The following LRRC28 variants were observed in gnomAD, a reference collection of about 807,000 sequenced individuals.
The protein encoded by LRRC28 is leucine rich repeat containing 28.
In LRRC28, 39 loss-of-function variants were observed where a neutral mutation model predicts 45.7. That is an observed-to-expected ratio of 0.85 (90% CI 0.66 to 1.12). The LOEUF (loss-of-function observed/expected upper bound fraction) is 1.12. Ranked by LOEUF, LRRC28 falls within the 50% of genes most tolerant of loss-of-function variation. The pLI is 0.00. For synonymous variants in LRRC28, 206 were observed against 178.8 expected (o/e 1.15, Z -1.22); for missense variants, 435 against 438.5 (o/e 0.99, Z 0.07).
chr15:99,343,856 G>A (rs547906673), intron 6 of LRRC28, among the ~76,000 whole-genome samples: 1 of 152,184 alleles, frequency 6.6e-6, no homozygotes, highest in East Asian at 1.9e-4. Context: ...TGAAGTACAC[G>A]TTCGTATTTC....
intron 5 of LRRC28, among the ~76,000 whole-genome samples, chr15:99,302,619 T>G (rs1444802357): frequency 1.3e-5 from 2 of 152,228 alleles, no homozygotes; most frequent in African/African-American, 4.8e-5. Context: ...CATGTACAGT[T>G]AATTAACTTT....
At chr15:99,333,475 AACAAGTTGC>A (rs1273306187) in intron 5 of LRRC28, 2 of 169,416 alleles carry the variant, frequency 1.2e-5, no homozygotes, top group Non-Finnish European at 2.6e-5. Context: ...AGCTCATATG[AACAAGTTGC>A]ACTTACTTCA....
rs1425869891 is a variant in LRRC28 at position 99,387,281 on chromosome 15, CGATCTCCT to C, written c.*1182_*1189del. On this transcript the variant is annotated 3_prime_UTR_variant, in exon 10 of 10. Coordinates refer to ENST00000301981, the MANE Select transcript of LRRC28 (RefSeq NM_144598.5). ...TTCACCGTGTTAGCCGGGATGGTCTCGATCTCCTGACCTCGTGATCCGCACGCCTCGGC... is the reference window on the plus strand; with the variant it reads ...TTCACCGTGTTAGCCGGGATGGTCTCGACCTCGTGATCCGCACGCCTCGGC... The C allele has an allele frequency of 5.9e-5, 9 of 151,772 alleles. No homozygotes were observed. Among genetic ancestry groups the C allele is most frequent in the Admixed American group, 3.3e-4 (5 of 15,240 alleles). 9.4% of individuals were successfully genotyped at this position (151,772 alleles called of 1,614,324 possible). A position where few individuals can be genotyped will look rare whatever the true frequency, so the allele number is the denominator to read the frequency against.
At chr15:99,265,507 C>T (rs1368907443) in intron 2 of LRRC28, among the ~76,000 whole-genome samples, 5 of 152,138 alleles carry the variant, frequency 3.3e-5, no homozygotes, top group Admixed American at 6.5e-5. Flanking sequence ...GATGATGACA[C>T]GGTCTTAGTG....
intron 9 of LRRC28, among the ~76,000 whole-genome samples, chr15:99,383,412 G>A (rs1957888954): frequency 6.6e-6 from 1 of 152,148 alleles, no homozygotes; most frequent in Non-Finnish European, 1.5e-5. Flanking sequence ...GTTGTATTTT[G>A]TCCAGAGTGT....
intron 8 of LRRC28, 60 bp downstream of exon 8, chr15:99,361,571 T>C: frequency 6.8e-7 from 1 of 1,478,802 alleles, no homozygotes; most frequent in Non-Finnish European, 9.0e-7. Context: ...TTGTGCTTGG[T>C]GCACCTGTTT....
intron 5 of LRRC28, among the ~76,000 whole-genome samples, chr15:99,330,936 T>G (rs911381872): frequency 1.3e-5 from 2 of 152,178 alleles, no homozygotes; most frequent in Non-Finnish European, 2.9e-5. Context: ...TTTCTGTTGA[T>G]GCTTTCAAGA....
chr15:99,332,658 G>T (rs767655758), intron 5 of LRRC28, among the ~76,000 whole-genome samples: 3 of 152,110 alleles, frequency 2.0e-5, no homozygotes, highest in South Asian at 4.1e-4. Context: ...GTTTCAGCTT[G>T]CAGGCAGGAC....
Position 99,352,383 on chromosome 15 carries a change from C to T in LRRC28, c.607C>T (p.Arg203Ter), listed in dbSNP as rs778658681. Reference sequence around the variant, plus strand: ...TTCTAATCCAGATTTAGGTCGATCTCGAGAACTACAGTATGTATACGTGGA... The same window carrying T: ...TTCTAATCCAGATTTAGGTCGATCTTGAGAACTACAGTATGTATACGTGGA... Reference protein sequence around the residue: ...AFLPLDLGRSRELQYVYVDNN... With the variant: ...AFLPLDLGRS Residue 203 changes from arginine (R) to a stop codon, truncating the protein, a stop_gained, in exon 7 of 10, where the codon CGA (arginine) becomes TGA (stop). Coordinates refer to ENST00000301981, the MANE Select transcript of LRRC28 (RefSeq NM_144598.5). LOFTEE classifies it high-confidence loss of function. 10 of 1,612,934 alleles carry T rather than the reference C, an allele frequency of 6.2e-6. No homozygotes were observed. Among genetic ancestry groups the T allele is most frequent in the Admixed American group, 1.7e-5 (1 of 59,930 alleles).
rs2081097701 is a variant in LRRC28 at position 99,258,604 on chromosome 15, C to T, written c.168+2479C>T. The T allele has an allele frequency of 6.6e-6, 5 of 755,994 alleles. No individual in the cohort carries two copies. In the Admixed American group the frequency reaches 9.4e-5, roughly 14 times the overall value. 46.8% of individuals were successfully genotyped at this position (755,994 alleles called of 1,614,324 possible). Reference sequence around the variant, plus strand: ...CCAAAGACTAAAAAAGTTGAAAAAACTGTCTGTGAATGGGAACTTATGAAT... The same window carrying T: ...CCAAAGACTAAAAAAGTTGAAAAAATTGTCTGTGAATGGGAACTTATGAAT... On this transcript the variant is annotated intron_variant, in intron 2 of 9. Coordinates refer to ENST00000301981, the MANE Select transcript of LRRC28 (RefSeq NM_144598.5).
intron 5 of LRRC28, among the ~76,000 whole-genome samples, chr15:99,311,130 T>C (rs113462698): frequency 2.4e-3 from 362 of 152,246 alleles, no homozygotes; most frequent in African/African-American, 8.1e-3. Flanking sequence ...AGAAAAGATA[T>C]ATTTCAGCTA....
chr15:99,259,357 C>G, intron 2 of LRRC28: 1 of 1,548,356 alleles, frequency 6.5e-7, no homozygotes, highest in South Asian at 1.1e-5. Context: ...AGGCCCTTCC[C>G]GAATTTGATG....
At chr15:99,379,103 G>A (rs1450481686) in intron 9 of LRRC28, among the ~76,000 whole-genome samples, 9 of 152,186 alleles carry the variant, frequency 5.9e-5, no homozygotes, top group Non-Finnish European at 7.3e-5. Flanking sequence ...AATAGTTTCA[G>A]AACGAGTGGT....
chr15:99,374,835 A>ATT (rs78386790), intron 9 of LRRC28, among the ~76,000 whole-genome samples: 174 of 144,520 alleles, frequency 1.2e-3, no homozygotes, highest in African/African-American at 3.4e-3. Flanking sequence ...GCCTGGCTAA[A>ATT]TTTTTTTTTT....
At chr15:99,339,149 A>G (rs1386251171) in intron 6 of LRRC28, among the ~76,000 whole-genome samples, 1 of 152,212 alleles carries the variant, frequency 6.6e-6, no homozygotes, top group East Asian at 1.9e-4. Flanking sequence ...GATATAAAGA[A>G]AATGATTTTT....
intron 7 of LRRC28, among the ~76,000 whole-genome samples, chr15:99,353,346 G>A (rs1484707094): frequency 1.3e-5 from 2 of 152,204 alleles, no homozygotes; most frequent in African/African-American, 4.8e-5. Context: ...GACAATAAGT[G>A]TATACATAGA....
chr15:99,288,900 A>C (rs1343583329), intron 5 of LRRC28, among the ~76,000 whole-genome samples: 1 of 150,850 alleles, frequency 6.6e-6, no homozygotes, highest in African/African-American at 2.4e-5. Flanking sequence ...GGCTAGTCTC[A>C]AACTCCTGAC....
At chr15:99,258,832 C>T (rs7164561) in intron 2 of LRRC28, 29 of 698,866 alleles carry the variant, frequency 4.1e-5, no homozygotes, top group African/African-American at 2.4e-4. Context: ...CTAAAAAGAG[C>T]GATTACATTA....
chr15:99,310,045 G>C (rs991963278), intron 5 of LRRC28, among the ~76,000 whole-genome samples: 1 of 152,174 alleles, frequency 6.6e-6, no homozygotes, highest in African/African-American at 2.4e-5. Context: ...TGTGAAAATC[G>C]TACAGAAGTC....
Sources: gnomAD v4.1 joint callset for allele counts (sites outside exome capture counted in the v4.1 genomes callset) on GRCh38, gnomAD v4.1.1 for gene constraint, MANE v1.5 for transcripts, NCBI Gene and HGNC (gene_info 2026-07-23, HGNC 2026-07-21) for gene names.